The following SRFBP1 variants were observed in gnomAD, a reference collection of about 807,000 sequenced individuals.
SRFBP1 encodes the protein serum response factor binding protein 1, also known as serum response factor-binding protein 1.
Under a neutral mutation model 45.5 loss-of-function variants are expected in SRFBP1, and 47 were observed. The ratio of observed to expected loss-of-function variants is 1.03; its 90% CI spans 0.82 to 1.32. The LOEUF (loss-of-function observed/expected upper bound fraction) is 1.32, where lower values mean the gene tolerates loss of function less well. Ranked by LOEUF, SRFBP1 falls within the 40% of genes most tolerant of loss-of-function variation. The probability of loss-of-function intolerance (pLI) is 0.00; values close to 1 mark genes in which losing one functional copy is unlikely to be tolerated. For synonymous variants in SRFBP1, 203 were observed against 166.3 expected (o/e 1.22, Z -1.70); for missense variants, 621 against 484.6 (o/e 1.28, Z -2.64).
downstream of SRFBP1, among the ~76,000 whole-genome samples, chr5:122,031,616 T>TG (rs1391275979): frequency 6.6e-6 from 1 of 152,162 alleles, no homozygotes; most frequent in Non-Finnish European, 1.5e-5. Flanking sequence ...ATAGGCATGA[T>TG]GAAAGTCTCA....
chr5:122,060,702 T>A (rs1015049154), intron 2 of SRFBP1, among the ~76,000 whole-genome samples: 3 of 151,574 alleles, frequency 2.0e-5, no homozygotes, highest in African/African-American at 7.3e-5. Flanking sequence ...GATTTGCATC[T>A]TCATGAAACC....
intron 4 of SRFBP1, among the ~76,000 whole-genome samples, chr5:122,002,445 A>G (rs1300247060): frequency 6.6e-6 from 1 of 152,220 alleles, no homozygotes; most frequent in Non-Finnish European, 1.5e-5. Context: ...ATTTTTAAAT[A>G]TAGTATAACT....
rs1354075061 is a variant in SRFBP1, at chr5:122,066,558, A to C, written n.312-8757A>C. The C allele has an allele frequency of 1.0e-5, 5 of 495,382 alleles. No homozygotes were observed. In the South Asian group the frequency reaches 2.3e-4, roughly 22 times the overall value. 30.7% of individuals were successfully genotyped at this position (495,382 alleles called of 1,614,324 possible). A position where few individuals can be genotyped will look rare whatever the true frequency, so the allele number is the denominator to read the frequency against. On this transcript the variant is annotated intron_variant and non_coding_transcript_variant, in intron 2 of 2. Transcript: ENST00000504881. Reference sequence around the variant, plus strand: ...AATAAACATTAAAAATTTCCCAAGTAATGATGACTTAAGCGTTCAAAATCC... The same window carrying C: ...AATAAACATTAAAAATTTCCCAAGTCATGATGACTTAAGCGTTCAAAATCC...
intron 2 of SRFBP1, among the ~76,000 whole-genome samples, chr5:122,045,962 G>C (rs1463973465): frequency 6.6e-6 from 1 of 152,110 alleles, no homozygotes; most frequent in African/African-American, 2.4e-5. Flanking sequence ...TCCAGCTTTT[G>C]CTTATTCAGT....
chr5:122,026,892 A>G lies in SRFBP1; in HGVS notation c.1106-50A>G, dbSNP rs190652675. On this transcript the variant is annotated intron_variant, in intron 7 of 7. Coordinates refer to ENST00000339397, the MANE Select transcript of SRFBP1 (RefSeq NM_152546.3). ...GAAAAAGATGAAATTTACTTCTCCT[A>G]TATGCTCTTTAAGTATATAGTTATT... The G allele has an allele frequency of 2.6e-4, 326 of 1,271,066 alleles. 1 individual carries two copies. The African/African-American group carries it at 4.5e-3, about 17-fold the overall frequency. The allele number at this position is 1,271,066 out of a possible 1,614,324, so 78.7% of individuals were successfully genotyped here.
At chr5:122,022,679 T>C (rs1404511208) in intron 7 of SRFBP1, among the ~76,000 whole-genome samples, 3 of 152,240 alleles carry the variant, frequency 2.0e-5, no homozygotes, top group African/African-American at 7.2e-5. Context: ...TTTTTTTAAG[T>C]AAATTATGCA....
chr5:122,066,695 T>C (rs747457236), intron 2 of SRFBP1: 1 of 1,548,864 alleles, frequency 6.5e-7, no homozygotes, highest in South Asian at 1.1e-5. Flanking sequence ...TTTTCCCACT[T>C]CAGAACACCA....
At chr5:121,973,949 G>A (rs191465912) in intron 1 of SRFBP1, among the ~76,000 whole-genome samples, 19 of 151,714 alleles carry the variant, frequency 1.3e-4, no homozygotes, top group Admixed American at 9.9e-4. Flanking sequence ...TACTTATCTC[G>A]GGTAATACTG....
chr5:121,979,888 G>C (rs1561578790), intron 3 of SRFBP1, among the ~76,000 whole-genome samples: 1 of 152,090 alleles, frequency 6.6e-6, no homozygotes, highest in Non-Finnish European at 1.5e-5. Flanking sequence ...AGTGTGCCAG[G>C]CTTCATAAAC....
intron 4 of SRFBP1, among the ~76,000 whole-genome samples, chr5:121,999,940 G>C (rs895920884): frequency 6.6e-6 from 1 of 151,984 alleles, no homozygotes; most frequent in African/African-American, 2.4e-5. Flanking sequence ...TATTCAATGT[G>C]ATTATTGATG....
intron 2 of SRFBP1, 32 bp downstream of exon 2, chr5:121,974,316 A>G: frequency 1.3e-6 from 2 of 1,481,898 alleles, no homozygotes; most frequent in Non-Finnish European, 1.9e-6. Context: ...TCTTGTGACT[A>G]ATAAAATGTC....
At chr5:122,007,073 A>T (rs1307683748) in intron 4 of SRFBP1, among the ~76,000 whole-genome samples, 2 of 152,082 alleles carry the variant, frequency 1.3e-5, no homozygotes, top group Non-Finnish European at 2.9e-5. Context: ...TTCTCCAGTC[A>T]GTGCATCCAG....
intron 2 of SRFBP1, among the ~76,000 whole-genome samples, chr5:122,054,199 C>T (rs1754037578): frequency 6.6e-6 from 1 of 152,216 alleles, no homozygotes; most frequent in East Asian, 1.9e-4. Context: ...GAGTGGCTCC[C>T]TGCCTCAGTC....
intron 2 of SRFBP1, among the ~76,000 whole-genome samples, chr5:122,067,720 T>A (rs1266485669): frequency 6.6e-6 from 1 of 152,136 alleles, no homozygotes; most frequent in East Asian, 1.9e-4. Flanking sequence ...AAATTCATGC[T>A]TTAGCCAAAC....
intron 3 of SRFBP1, among the ~76,000 whole-genome samples, chr5:121,976,617 T>G (rs1752308123): frequency 6.6e-6 from 1 of 151,764 alleles, no homozygotes; most frequent in South Asian, 2.1e-4. Context: ...CCTAAATTTT[T>G]CCCTGTAATT....
At chr5:122,045,269 A>G (rs1753837636) in intron 2 of SRFBP1, among the ~76,000 whole-genome samples, 2 of 152,308 alleles carry the variant, frequency 1.3e-5, no homozygotes, top group African/African-American at 2.4e-5. Flanking sequence ...TCTGTAGTAT[A>G]GTTTGAAGTC....
chr5:121,985,186 T>A (rs1298230275), intron 3 of SRFBP1, among the ~76,000 whole-genome samples: 3 of 151,834 alleles, frequency 2.0e-5, no homozygotes, highest in Non-Finnish European at 4.4e-5. Context: ...ATAGGCACAT[T>A]GGAGGAGGGA....
At chr5:122,023,933 C>T (rs543508820) in intron 7 of SRFBP1, among the ~76,000 whole-genome samples, 21 of 152,248 alleles carry the variant, frequency 1.4e-4, no homozygotes, top group Middle Eastern at 3.4e-3. Flanking sequence ...TCCCACTTCC[C>T]GCTCTCATTC....
chr5:122,034,993 TTGTC>T (rs964034509), intron 2 of SRFBP1, among the ~76,000 whole-genome samples: 38 of 152,132 alleles, frequency 2.5e-4, no homozygotes, highest in African/African-American at 9.2e-4. Flanking sequence ...ATGTATCTGT[TTGTC>T]TGGGCAGAGG....
Sources: gnomAD v4.1 joint callset for allele counts (sites outside exome capture counted in the v4.1 genomes callset) on GRCh38, gnomAD v4.1.1 for gene constraint, MANE v1.5 for transcripts, NCBI Gene and HGNC (gene_info 2026-07-23, HGNC 2026-07-21) for gene names.